Variants in TGM6 observed in about 807,000 individuals in gnomAD.
The protein encoded by TGM6 is transglutaminase 6, also known as protein-glutamine gamma-glutamyltransferase 6.
A neutral mutation model predicts 77.5 loss-of-function variants in TGM6; 74 were observed. The observed-to-expected ratio is 0.96, with a 90% CI of 0.79 to 1.16. TGM6 has a LOEUF of 1.16. TGM6 is among the 50% of genes most tolerant of loss of function. The pLI is 0.00. For missense variants in TGM6, 968 were observed against 940.2 expected, an observed-to-expected ratio of 1.03 and a Z score of -0.39; for synonymous variants, 383 against 378.9, an observed-to-expected ratio of 1.01 and a Z score of -0.12.
intron 1 of TGM6, among the ~76,000 whole-genome samples, chr20:2,392,961 G>A (rs148869979): frequency 2.0e-3 from 306 of 152,272 alleles, no homozygotes; most frequent in African/African-American, 6.5e-3. Context: ...ATCCATGTCA[G>A]CTGCCCCCAG....
chr20:2,432,299 C>T (rs2084928735), intron 12 of TGM6, among the ~76,000 whole-genome samples, 191 bp from the exon 13 acceptor site: 1 of 152,136 alleles, frequency 6.6e-6, no homozygotes, highest in Non-Finnish European at 1.5e-5. Flanking sequence ...CCACCTGCCT[C>T]AGCCTCCCAG....
chr20:2,389,467 C>T (rs920658561), intron 1 of TGM6, among the ~76,000 whole-genome samples: 2 of 152,118 alleles, frequency 1.3e-5, no homozygotes, highest in Non-Finnish European at 1.5e-5. Context: ...ATCATTTTTC[C>T]AAGCTAAACT....
chr20:2,414,689 T>C (rs2084803425), intron 9 of TGM6, among the ~76,000 whole-genome samples: 1 of 152,140 alleles, frequency 6.6e-6, no homozygotes, highest in Non-Finnish European at 1.5e-5. Flanking sequence ...ATAAAATGTA[T>C]ATCCATCCAA....
chr20:2,391,344 C>G (rs767494718), intron 1 of TGM6, among the ~76,000 whole-genome samples: 1 of 152,012 alleles, frequency 6.6e-6, no homozygotes, highest in Non-Finnish European at 1.5e-5. Context: ...GTGGCAGGGC[C>G]GAGGCAGGAA....
In TGM6 at chr20:2,399,543, G is replaced by T. The variant is rs780004688; in HGVS notation, c.673-18G>T. On this transcript the variant is annotated intron_variant, in intron 5 of 12. Transcript: ENST00000202625. ...GGAAGCCCTGCCTGGTTGTGGACCCGTGCCCTCCTCTGCCCAGGTGAACAG... is the reference window on the plus strand; with the variant it reads ...GGAAGCCCTGCCTGGTTGTGGACCCTTGCCCTCCTCTGCCCAGGTGAACAG... The T allele has an allele frequency of 1.2e-6, 2 of 1,612,158 alleles. No homozygotes were observed. The highest frequency in any genetic ancestry group is 2.7e-5 in the African/African-American group (2 of 74,880).
chr20:2,380,942 G>T lies in TGM6; in HGVS notation c.-27G>T, dbSNP rs1599938597. On this transcript the variant is annotated 5_prime_UTR_variant, in exon 1 of 13. Transcript: ENST00000202625. ...ACGGTGCACACACTGCTGTGTGGAG[G>T]AACAGAGGAGTCCAGCTGGCCTTCA... The T allele has an allele frequency of 6.2e-7, 1 of 1,604,962 alleles. No homozygotes were observed. The highest frequency in any genetic ancestry group is 8.5e-7 in the Non-Finnish European group (1 of 1,177,328).
intron 3 of TGM6, 129 bp from the exon 4 acceptor site, chr20:2,396,377 C>T (rs971177271): frequency 7.9e-6 from 7 of 884,796 alleles, no homozygotes; most frequent in Non-Finnish European, 1.3e-5. Flanking sequence ...CTCGCAAGCC[C>T]CCTCTTGACC....
intron 7 of TGM6, among the ~76,000 whole-genome samples, chr20:2,402,366 C>T (rs1026255281): frequency 6.6e-5 from 10 of 152,160 alleles, no homozygotes; most frequent in African/African-American, 2.4e-4. Context: ...GAGCCCTTCC[C>T]GAGCTGGCCT....
chr20:2,430,962 G>C lies in TGM6; in HGVS notation c.1902G>C (p.Glu634Asp). 6.2e-7 allele frequency: 1 copy of C among 1,614,176 alleles called. No individual in the cohort carries two copies. The highest frequency in any genetic ancestry group is 8.5e-7 in the Non-Finnish European group (1 of 1,180,032). ...VEVTVVNPLI[E>D]RVKDCALMVE... ...TGACAGTAGTCAACCCCCTCATAGA[G>C]AGAGTGAAGGACTGTGCGCTGATGG... The change falls in exon 12 of 13, where the codon GAG becomes GAC. Residue 634 changes from glutamate to aspartate, a missense_variant. By Grantham distance (45) the Glu-to-Asp change is conservative (BLOSUM62 2). Coordinates refer to ENST00000202625, the MANE Select transcript of TGM6 (RefSeq NM_198994.3).
At chr20:2,394,697 G>A in intron 2 of TGM6, 72 bp downstream of exon 2, 2 of 1,499,596 alleles carry the variant, frequency 1.3e-6, no homozygotes, top group Non-Finnish European at 1.8e-6. Flanking sequence ...AGTAACATAA[G>A]ACCTTGCAGT....
chr20:2,425,971 G>T (rs1475747603), intron 10 of TGM6, among the ~76,000 whole-genome samples: 2 of 151,950 alleles, frequency 1.3e-5, no homozygotes, highest in Admixed American at 6.6e-5. Flanking sequence ...TAACTATCTT[G>T]TACCCATTAT....
At chr20:2,396,085 T>C (rs192792322) in intron 3 of TGM6, among the ~76,000 whole-genome samples, 21 of 149,282 alleles carry the variant, frequency 1.4e-4, no homozygotes, top group African/African-American at 4.7e-4. Context: ...GAGGCTGAGG[T>C]AGGAGAATCA....
At chr20:2,413,989 A>T (rs766537836) in intron 9 of TGM6, among the ~76,000 whole-genome samples, 1 of 152,208 alleles carries the variant, frequency 6.6e-6, no homozygotes, top group Non-Finnish European at 1.5e-5. Flanking sequence ...CAAATCATGT[A>T]TTGAATGGAT....
At chr20:2,384,071 C>T (rs2084575829) in intron 1 of TGM6, among the ~76,000 whole-genome samples, 1 of 145,254 alleles carries the variant, frequency 6.9e-6, no homozygotes, top group Non-Finnish European at 1.5e-5. Flanking sequence ...TGTGCCACTG[C>T]ACTCCAGCCT....
At chr20:2,392,327 G>T (rs2084634204) in intron 1 of TGM6, among the ~76,000 whole-genome samples, 1 of 152,172 alleles carries the variant, frequency 6.6e-6, no homozygotes, top group South Asian at 2.1e-4. Context: ...TCCAATTTAA[G>T]ACTCAGCCTC....
At position 2,430,440 on chromosome 20, in the gene TGM6, T is replaced by C. The variant is rs538272932; in HGVS notation, c.1679-6T>C. 117 of 1,614,214 alleles carry C rather than the reference T, an allele frequency of 7.2e-5. 1 individual carries two copies. The South Asian group carries it at 1.2e-3, about 16-fold the overall frequency. Reference sequence around the variant, plus strand: ...CCCCAACTCCCACTTCTGCTTTCCCTTCCAGAGAAGAGAATCCCAATTACA... The same window carrying C: ...CCCCAACTCCCACTTCTGCTTTCCCCTCCAGAGAAGAGAATCCCAATTACA... On this transcript the variant is annotated splice_region_variant and splice_polypyrimidine_tract_variant and intron_variant, in intron 10 of 12. Coordinates refer to ENST00000202625, the MANE Select transcript of TGM6 (RefSeq NM_198994.3).
intron 9 of TGM6, among the ~76,000 whole-genome samples, chr20:2,411,018 C>T (rs2122393640): frequency 6.6e-6 from 1 of 152,260 alleles, no homozygotes; most frequent in South Asian, 2.1e-4. Context: ...CAGATTATGT[C>T]ACTGGTGAAT....
chr20:2,404,351 T>C (rs1210095494), intron 9 of TGM6, among the ~76,000 whole-genome samples: 1 of 152,210 alleles, frequency 6.6e-6, no homozygotes, highest in Non-Finnish European at 1.5e-5. Flanking sequence ...TATAGCTGTT[T>C]CCAACTATAT....
chr20:2,403,534 C>G (rs752770191), intron 8 of TGM6, 34 bp downstream of exon 8: 1 of 1,614,016 alleles, frequency 6.2e-7, no homozygotes, highest in African/African-American at 1.3e-5. Flanking sequence ...GTTCCAGACC[C>G]CTGCTTTTCC....
Sources: allele counts gnomAD v4.1 joint callset (sites outside exome capture counted in the v4.1 genomes callset), GRCh38; gene constraint gnomAD v4.1.1; transcripts MANE v1.5; gene names NCBI Gene and HGNC (gene_info 2026-07-23, HGNC 2026-07-21).